CIMAP2: variants seen among roughly 807,000 people sequenced by gnomAD.
The protein encoded by CIMAP2 is ciliary microtubule-associated protein 2.
At chr1:54,839,135 A>C in the CIMAP2 span, among the ~76,000 whole-genome samples, 1 of 152,082 alleles carries the variant, frequency 6.6e-6, no homozygotes, top group Non-Finnish European at 1.5e-5. Flanking sequence ...GAGGAGAAAA[A>C]AAATTAGGAC....
chr1:54,839,481 G>A, the CIMAP2 span, among the ~76,000 whole-genome samples: 4 of 152,000 alleles, frequency 2.6e-5, no homozygotes, highest in Non-Finnish European at 4.4e-5. Flanking sequence ...GGGTTCAAGC[G>A]ATTCTCTTGT....
the CIMAP2 span, chr1:54,842,026 C>A: frequency 1.4e-6 from 1 of 735,674 alleles, no homozygotes; most frequent in Non-Finnish European, 2.2e-6. Flanking sequence ...TCACCTTTGC[C>A]AGAGCTGCAT....
the CIMAP2 span, among the ~76,000 whole-genome samples, chr1:54,808,679 G>C: frequency 6.7e-6 from 1 of 148,868 alleles, no homozygotes; most frequent in African/African-American, 2.5e-5. Context: ...GAAGACCTTC[G>C]AGAGGGCCAG....
the CIMAP2 span, chr1:54,842,179 T>C: frequency 6.4e-6 from 3 of 470,462 alleles, no homozygotes; most frequent in Non-Finnish European, 1.1e-5. Flanking sequence ...TGGGACGTAG[T>C]TGACACTTGT....
the CIMAP2 span, chr1:54,807,855 T>G: frequency 3.2e-6 from 5 of 1,544,794 alleles, no homozygotes; most frequent in Non-Finnish European, 3.5e-6. Flanking sequence ...TTCCCAAGTT[T>G]AAGGCTTTCA....
At chr1:54,811,765 G>GCGGGGGGGGGGGGCCCCCCCC in the CIMAP2 span, 3 of 1,301,326 alleles carry the variant, frequency 2.3e-6, no homozygotes, top group Non-Finnish European at 2.2e-6. Flanking sequence ...GGTTCTGACA[G>GCGGGGGGGGGGGGCCCCCCCC]CCTCCATGCC....
At chr1:54,834,210 G>A in the CIMAP2 span, among the ~76,000 whole-genome samples, 3 of 152,156 alleles carry the variant, frequency 2.0e-5, no homozygotes, top group Non-Finnish European at 2.9e-5. Flanking sequence ...CTATAGCGCT[G>A]CTTAAATAGG....
At chr1:54,809,292 C>A in the CIMAP2 span, among the ~76,000 whole-genome samples, 1 of 152,112 alleles carries the variant, frequency 6.6e-6, no homozygotes, top group African/African-American at 2.4e-5. Flanking sequence ...TTCTCCTACA[C>A]CTCACCACTG....
At chr1:54,808,098 A>G in the CIMAP2 span, 1 of 1,369,796 alleles carries the variant, frequency 7.3e-7, no homozygotes, top group South Asian at 1.7e-5. Flanking sequence ...ATATCCATCC[A>G]GCCAGCCAGC....
At chr1:54,823,931 G>A in the CIMAP2 span, among the ~76,000 whole-genome samples, 1 of 152,050 alleles carries the variant, frequency 6.6e-6, no homozygotes. Context: ...AGTATTTGTG[G>A]TTGGCAGTTT....
At chr1:54,813,597 AC>A in the CIMAP2 span, among the ~76,000 whole-genome samples, 1 of 151,668 alleles carries the variant, frequency 6.6e-6, no homozygotes, top group East Asian at 1.9e-4. Context: ...CAAGAGACTA[AC>A]CCCGCCCCGA....
chr1:54,806,175 C>A, the CIMAP2 span: 1 of 1,552,198 alleles, frequency 6.4e-7, no homozygotes, highest in African/African-American at 1.4e-5. Flanking sequence ...GGCTCCACGG[C>A]CACCAAGTGG....
At chr1:54,820,975 G>C in the CIMAP2 span, among the ~76,000 whole-genome samples, 1 of 151,792 alleles carries the variant, frequency 6.6e-6, no homozygotes, top group African/African-American at 2.4e-5. Context: ...CACCATGTTG[G>C]CCAGGCTGGT....
chr1:54,829,673 A>T, the CIMAP2 span, among the ~76,000 whole-genome samples: 1 of 152,072 alleles, frequency 6.6e-6, no homozygotes, highest in Non-Finnish European at 1.5e-5. Flanking sequence ...TCATTTTTGC[A>T]TTCATATTTT....
At chr1:54,820,974 G>C in the CIMAP2 span, among the ~76,000 whole-genome samples, 19 of 152,134 alleles carry the variant, frequency 1.2e-4, no homozygotes, top group Non-Finnish European at 2.1e-4. Context: ...TCACCATGTT[G>C]GCCAGGCTGG....
the CIMAP2 span, chr1:54,841,825 G>C: frequency 9.7e-5 from 152 of 1,560,522 alleles, 1 homozygote; most frequent in African/African-American, 1.9e-3. Context: ...CATTTACTAA[G>C]GGAAAGTGCC....
At chr1:54,818,219 T>C in the CIMAP2 span, among the ~76,000 whole-genome samples, 1 of 152,212 alleles carries the variant, frequency 6.6e-6, no homozygotes, top group South Asian at 2.1e-4. Flanking sequence ...GGGTACTTAG[T>C]GGCTTCCCTC....
At chr1:54,807,847 C>T in the CIMAP2 span, 1 of 1,534,676 alleles carries the variant, frequency 6.5e-7, no homozygotes, top group African/African-American at 1.4e-5. Flanking sequence ...CGTGGATTTT[C>T]CCAAGTTTAA....
At chr1:54,823,782 C>T in the CIMAP2 span, among the ~76,000 whole-genome samples, 6 of 152,148 alleles carry the variant, frequency 3.9e-5, no homozygotes, top group Non-Finnish European at 7.4e-5. Flanking sequence ...TTGTAGATGT[C>T]GCTCTTTCCC....
Sources: gnomAD v4.1 joint callset for allele counts (sites outside exome capture counted in the v4.1 genomes callset) on GRCh38, gnomAD v4.1.1 for gene constraint, MANE v1.5 for transcripts, NCBI Gene and HGNC (gene_info 2026-07-23, HGNC 2026-07-21) for gene names.